SGCZ: variants seen among roughly 807,000 people sequenced by gnomAD.
The protein encoded by SGCZ is sarcoglycan zeta.
In SGCZ, 40 loss-of-function variants were observed where a neutral mutation model predicts 41.3. The observed-to-expected ratio is 0.97, with a 90% CI of 0.75 to 1.26. SGCZ has a LOEUF of 1.26. Among genes scored for constraint, SGCZ ranks in the 50% most tolerant of loss-of-function variants. The probability of loss-of-function intolerance (pLI) is 0.00; values close to 1 mark genes in which losing one functional copy is unlikely to be tolerated. For missense variants in SGCZ, 552 were observed against 369.8 expected (o/e 1.49, Z -4.04); for synonymous variants, 206 against 137.5 (o/e 1.50, Z -3.49).
At chr8:14,694,780 C>T (rs1170012609) in intron 1 of SGCZ, among the ~76,000 whole-genome samples, 2 of 152,128 alleles carry the variant, frequency 1.3e-5, no homozygotes, top group African/African-American at 4.8e-5. Context: ...GTTCTTTTCA[C>T]ATTTCTAAAA....
At chr8:15,214,689 T>A (rs183813360) in intron 1 of SGCZ, among the ~76,000 whole-genome samples, 9 of 152,164 alleles carry the variant, frequency 5.9e-5, no homozygotes, top group African/African-American at 2.2e-4. Flanking sequence ...AAGGGAGGCA[T>A]ATTCCTCACA....
intron 4 of SGCZ, among the ~76,000 whole-genome samples, chr8:14,223,868 T>C (rs1041587532): frequency 6.6e-6 from 1 of 152,202 alleles, no homozygotes; most frequent in South Asian, 2.1e-4. Context: ...ATATTAGTAT[T>C]ACTAATAGTG....
At chr8:14,304,868 T>A (rs1801301894) in intron 3 of SGCZ, among the ~76,000 whole-genome samples, 1 of 152,194 alleles carries the variant, frequency 6.6e-6, no homozygotes, top group African/African-American at 2.4e-5. Context: ...ATAATTTGGT[T>A]ACATTACAGC....
chr8:15,231,915 C>A (rs1801953140), intron 1 of SGCZ, among the ~76,000 whole-genome samples: 1 of 152,130 alleles, frequency 6.6e-6, no homozygotes, highest in Admixed American at 6.5e-5. Flanking sequence ...AGCCACCATG[C>A]CCGGCCTAAA....
chr8:14,598,899 T>C (rs375128925), intron 1 of SGCZ, among the ~76,000 whole-genome samples: 1 of 152,282 alleles, frequency 6.6e-6, no homozygotes, highest in South Asian at 2.1e-4. Context: ...CAGGCAATAC[T>C]CCCTCCCATG....
At chr8:15,195,861 T>C (rs1800707561) in intron 1 of SGCZ, among the ~76,000 whole-genome samples, 1 of 151,838 alleles carries the variant, frequency 6.6e-6, no homozygotes, top group Non-Finnish European at 1.5e-5. Context: ...TATAAATTTA[T>C]AATGGGTTTT....
intron 2 of SGCZ, among the ~76,000 whole-genome samples, chr8:14,413,718 T>C (rs62499660): frequency 0.058 from 8,862 of 152,022 alleles, 728 homozygotes; most frequent in African/African-American, 0.18. Context: ...TAAAATTGCA[T>C]CTTCTTTGTC....
intron 2 of SGCZ, among the ~76,000 whole-genome samples, chr8:14,385,706 A>G (rs1376132932): frequency 1.3e-5 from 2 of 152,224 alleles, no homozygotes; most frequent in Non-Finnish European, 2.9e-5. Context: ...TACATTAAAG[A>G]AAGAAAAAAG....
chr8:14,780,905 A>G (rs1391667692), intron 1 of SGCZ, among the ~76,000 whole-genome samples: 2 of 152,210 alleles, frequency 1.3e-5, no homozygotes, highest in Non-Finnish European at 2.9e-5. Context: ...GCAAATTTTC[A>G]AAGTTAAAGA....
chr8:14,492,551 G>A (rs1463681819), intron 2 of SGCZ, among the ~76,000 whole-genome samples: 2 of 152,112 alleles, frequency 1.3e-5, no homozygotes, highest in African/African-American at 4.8e-5. Context: ...AATAGCACAA[G>A]ATTTACGAAG....
intron 1 of SGCZ, among the ~76,000 whole-genome samples, chr8:14,987,642 G>A (rs1454724343): frequency 6.6e-6 from 1 of 151,866 alleles, no homozygotes; most frequent in African/African-American, 2.4e-5. Context: ...AGTATTCCAA[G>A]AATCTTTTGG....
intron 1 of SGCZ, among the ~76,000 whole-genome samples, chr8:15,045,538 A>G (rs1002448208): frequency 6.6e-6 from 1 of 152,124 alleles, no homozygotes; most frequent in Non-Finnish European, 1.5e-5. Context: ...GATTGAGATT[A>G]GTTTAGTAGA....
At chr8:14,720,433 T>C (rs780070955) in intron 1 of SGCZ, among the ~76,000 whole-genome samples, 5 of 152,114 alleles carry the variant, frequency 3.3e-5, no homozygotes, top group Non-Finnish European at 7.4e-5. Context: ...AACAGTTGAA[T>C]GCAAATATAG....
rs1044828358 is a variant in SGCZ at position 14,202,139 on chromosome 8, C to G, written c.424+35453G>C. Among the ~76,000 whole-genome samples, 3 of 152,068 alleles carry G rather than the reference C, an allele frequency of 2.0e-5. No homozygotes were observed. In the South Asian group the frequency reaches 6.2e-4, roughly 32 times the overall value. On this transcript the variant is annotated intron_variant, in intron 4 of 7. Coordinates refer to ENST00000382080, the MANE Select transcript of SGCZ (RefSeq NM_139167.4). ...GATAATCCCAATGTCATTACAGAGTCCTTAGGATTTGAAGAGGGAGGCTAA... is the reference window on the plus strand; with the variant it reads ...GATAATCCCAATGTCATTACAGAGTGCTTAGGATTTGAAGAGGGAGGCTAA...
chr8:14,527,237 G>C (rs908145048), intron 2 of SGCZ, among the ~76,000 whole-genome samples: 1 of 152,142 alleles, frequency 6.6e-6, no homozygotes, highest in African/African-American at 2.4e-5. Context: ...GAAATTATCA[G>C]TAGATATGAT....
At chr8:14,805,186 A>G in intron 1 of SGCZ, among the ~76,000 whole-genome samples, 1 of 46,264 alleles carries the variant, frequency 2.2e-5, no homozygotes, top group African/African-American at 8.3e-5. Context: ...GAGCAAAATC[A>G]CCAGCTAACA....
chr8:15,094,250 T>C (rs983317553), intron 1 of SGCZ, among the ~76,000 whole-genome samples: 4 of 152,066 alleles, frequency 2.6e-5, no homozygotes, highest in African/African-American at 9.7e-5. Context: ...TCCTCCCACC[T>C]CAGCCTCCTG....
At chr8:14,858,026 G>A (rs530873045) in intron 1 of SGCZ, among the ~76,000 whole-genome samples, 129 of 152,062 alleles carry the variant, frequency 8.5e-4, no homozygotes, top group Middle Eastern at 6.8e-3. Context: ...AGAACATTAT[G>A]GTCTGTAATG....
intron 1 of SGCZ, among the ~76,000 whole-genome samples, chr8:14,918,082 C>T (rs559115925): frequency 2.6e-5 from 4 of 152,196 alleles, no homozygotes; most frequent in South Asian, 4.2e-4. Context: ...AAAATGATTG[C>T]CTACTTTCAT....
Sources: gnomAD v4.1 joint callset for allele counts (sites outside exome capture counted in the v4.1 genomes callset) on GRCh38, gnomAD v4.1.1 for gene constraint, MANE v1.5 for transcripts, NCBI Gene and HGNC (gene_info 2026-07-23, HGNC 2026-07-21) for gene names.